Variants in COL28A1 observed in about 807,000 individuals in gnomAD.
The protein encoded by COL28A1 is collagen alpha-1(XXVIII) chain.
COL28A1 carries 161 observed loss-of-function variants against 150.2 expected under a neutral mutation model. That is an observed-to-expected ratio of 1.07 (90% confidence interval 0.94 to 1.22). The LOEUF (loss-of-function observed/expected upper bound fraction) is 1.22, where lower values mean the gene tolerates loss of function less well. Ranked by LOEUF, COL28A1 falls within the 50% of genes most tolerant of loss-of-function variation. The pLI is 0.00. For missense variants in COL28A1, 1,617 were observed against 1,388.3 expected (o/e 1.16, Z -2.62); for synonymous variants, 552 against 469.7 (o/e 1.18, Z -2.26).
intron 9 of COL28A1, among the ~76,000 whole-genome samples, chr7:7,508,004 G>A (rs1407523334): frequency 1.3e-5 from 2 of 152,064 alleles, no homozygotes; most frequent in Admixed American, 1.3e-4. Context: ...AGGCCGAGGC[G>A]GGCGGATCAC....
intron 15 of COL28A1, among the ~76,000 whole-genome samples, chr7:7,474,070 A>AATATATATATATATATGGAATAT (rs1554281241): frequency 0.013 from 1,918 of 142,930 alleles, 54 homozygotes; most frequent in African/African-American, 0.047. Context: ...ATATATATGG[A>AATATATATATATATATGGAATAT]ATATATATAT....
intron 9 of COL28A1, among the ~76,000 whole-genome samples, chr7:7,509,867 C>T (rs1303725374): frequency 1.3e-5 from 2 of 152,184 alleles, no homozygotes; most frequent in Non-Finnish European, 2.9e-5. Context: ...CAGGAAGAAT[C>T]TATTCATTTT....
chr7:7,521,036 T>G (rs1781696096), intron 5 of COL28A1, among the ~76,000 whole-genome samples: 1 of 152,148 alleles, frequency 6.6e-6, no homozygotes, highest in South Asian at 2.1e-4. Context: ...TTTGTCACAT[T>G]CTAATTCATT....
intron 20 of COL28A1, among the ~76,000 whole-genome samples, 164 bp from the exon 21 acceptor site, chr7:7,441,025 G>C (rs1377191404): frequency 6.6e-6 from 1 of 152,232 alleles, no homozygotes; most frequent in African/African-American, 2.4e-5. Context: ...TTCTTGAGGA[G>C]ATCAGATGAC....
chr7:7,464,160 A>C (rs1787861204), intron 15 of COL28A1, among the ~76,000 whole-genome samples: 1 of 152,228 alleles, frequency 6.6e-6, no homozygotes, highest in South Asian at 2.1e-4. Context: ...CTAATTTATA[A>C]AACAATTACT....
At chr7:7,417,749 G>T in intron 27 of COL28A1, 110 bp downstream of exon 27, 2 of 874,620 alleles carry the variant, frequency 2.3e-6, no homozygotes, top group Non-Finnish European at 3.8e-6. Context: ...TAACTGCGAG[G>T]CTCACAATAA....
chr7:7,475,745 A>G (rs562215877), intron 14 of COL28A1, among the ~76,000 whole-genome samples: 1 of 152,186 alleles, frequency 6.6e-6, no homozygotes, highest in Non-Finnish European at 1.5e-5. Flanking sequence ...ATAGAAGTAG[A>G]AATTTACTAA....
upstream of COL28A1, among the ~76,000 whole-genome samples, chr7:7,536,332 G>A (rs1185285869): frequency 6.6e-6 from 1 of 152,064 alleles, no homozygotes; most frequent in Non-Finnish European, 1.5e-5. Context: ...ATAATAAAAG[G>A]TATATATAAT....
chr7:7,441,505 T>C (rs796264497), intron 20 of COL28A1, among the ~76,000 whole-genome samples: 6 of 143,714 alleles, frequency 4.2e-5, no homozygotes, highest in African/African-American at 1.6e-4. Context: ...TATCCAGGGA[T>C]GTACACAGCT....
chr7:7,530,702 C>T (rs1410729291), intron 3 of COL28A1, among the ~76,000 whole-genome samples: 1 of 152,128 alleles, frequency 6.6e-6, no homozygotes, highest in Non-Finnish European at 1.5e-5. Flanking sequence ...CAAAGAAAAG[C>T]TGACCAGACC....
chr7:7,509,712 T>C (rs1781018536), intron 9 of COL28A1, among the ~76,000 whole-genome samples: 1 of 152,190 alleles, frequency 6.6e-6, no homozygotes, highest in African/African-American at 2.4e-5. Flanking sequence ...TCTTAGTCAA[T>C]GAAATATGAT....
the COL28A1 span, among the ~76,000 whole-genome samples, chr7:7,338,437 T>G: frequency 1.3e-5 from 2 of 152,110 alleles, no homozygotes; most frequent in Non-Finnish European, 2.9e-5. Flanking sequence ...TTCCTAGGTA[T>G]TTTATTCTTT....
At chr7:7,515,530 T>C (rs1249935202) in intron 8 of COL28A1, among the ~76,000 whole-genome samples, 1 of 152,216 alleles carries the variant, frequency 6.6e-6, no homozygotes, top group Non-Finnish European at 1.5e-5. Flanking sequence ...TTAGCCTGCA[T>C]ACCTGTGCTG....
At chr7:7,368,630 ATACCCT>A (rs1352913341) in intron 33 of COL28A1, among the ~76,000 whole-genome samples, 2 of 152,126 alleles carry the variant, frequency 1.3e-5, no homozygotes, top group African/African-American at 4.8e-5. Flanking sequence ...AATGGGATCA[ATACCCT>A]TATAAGAAGT....
At chr7:7,424,746 T>C (rs1480805529) in intron 25 of COL28A1, among the ~76,000 whole-genome samples, 5 of 152,284 alleles carry the variant, frequency 3.3e-5, no homozygotes. Flanking sequence ...ACTGTTTAGA[T>C]GGCATACCAC....
At chr7:7,513,505 GT>G (rs1781260629) in intron 8 of COL28A1, among the ~76,000 whole-genome samples, 1 of 152,216 alleles carries the variant, frequency 6.6e-6, no homozygotes, top group Non-Finnish European at 1.5e-5. Flanking sequence ...AAAGCAATCT[GT>G]TCTCTCTTCA....
chr7:7,437,516 G>C, intron 21 of COL28A1, 54 bp from the exon 22 acceptor site: 1 of 1,575,200 alleles, frequency 6.3e-7, no homozygotes, highest in East Asian at 2.3e-5. Context: ...CACATATAGA[G>C]ACAATATTAA....
intron 30 of COL28A1, among the ~76,000 whole-genome samples, chr7:7,378,003 G>C (rs1204772628): frequency 6.6e-6 from 1 of 152,056 alleles, no homozygotes; most frequent in Non-Finnish European, 1.5e-5. Flanking sequence ...AGTGGGATAG[G>C]GGCAGGTTGG....
rs1435657345 is a variant in COL28A1, at chr7:7,510,955, A to G, written c.927+136T>C. ...CACTTTGTTTTCTACCACATGTTTT[A>G]CAGATGTGAAAAATTGAGCCATTGA... On this transcript the variant is annotated intron_variant, in intron 9 of 34. Coordinates refer to ENST00000399429, the MANE Select transcript of COL28A1 (RefSeq NM_001037763.3). 4.3e-6 allele frequency: 3 copies of G among 702,322 alleles called. No individual in the cohort carries two copies. In the East Asian group the frequency reaches 8.3e-5, roughly 19 times the overall value. 43.5% of individuals were successfully genotyped at this position (702,322 alleles called of 1,614,324 possible). A position where few individuals can be genotyped will look rare whatever the true frequency, so the allele number is the denominator to read the frequency against.
Sources: allele counts gnomAD v4.1 joint callset (sites outside exome capture counted in the v4.1 genomes callset), GRCh38; gene constraint gnomAD v4.1.1; transcripts MANE v1.5; gene names NCBI Gene and HGNC (gene_info 2026-07-23, HGNC 2026-07-21).